Variants in KAT2B observed in about 807,000 individuals in gnomAD.
KAT2B encodes the protein lysine acetyltransferase 2B.
A neutral mutation model predicts 105.9 loss-of-function variants in KAT2B; 36 were observed. The ratio of observed to expected loss-of-function variants is 0.34; its 90% CI spans 0.26 to 0.45. The LOEUF (loss-of-function observed/expected upper bound fraction) is 0.45. Ranked by LOEUF, KAT2B falls within the 20% of genes least tolerant of loss-of-function variation. The probability of loss-of-function intolerance (pLI) is 1.00; values close to 1 mark genes in which losing one functional copy is unlikely to be tolerated. For missense variants in KAT2B, 820 were observed against 1,021.6 expected (o/e 0.80, Z 2.69); for synonymous variants, 397 against 377.9 (o/e 1.05, Z -0.59).
chr3:20,082,669 T>G (rs1698540561), intron 2 of KAT2B, among the ~76,000 whole-genome samples: 1 of 152,232 alleles, frequency 6.6e-6, no homozygotes, highest in African/African-American at 2.4e-5. Context: ...TGTTATTTTT[T>G]GTTTATGTAG....
At chr3:20,148,956 T>C (rs1174129277) in intron 17 of KAT2B, 1 of 156,340 alleles carries the variant, frequency 6.4e-6, no homozygotes, top group Non-Finnish European at 1.4e-5. Flanking sequence ...GAAATTCTAC[T>C]TACCACAATT....
At chr3:20,151,496 G>A (rs1040493796) in intron 17 of KAT2B, among the ~76,000 whole-genome samples, 4 of 151,682 alleles carry the variant, frequency 2.6e-5, no homozygotes, top group African/African-American at 9.7e-5. Context: ...TACAATTATA[G>A]CTTTTAACAA....
At chr3:20,098,583 A>G (rs1698853688) in intron 3 of KAT2B, among the ~76,000 whole-genome samples, 1 of 152,184 alleles carries the variant, frequency 6.6e-6, no homozygotes, top group Non-Finnish European at 1.5e-5. Context: ...ACTGAAGTTC[A>G]ACATCTCCAC....
At chr3:20,112,378 C>T (rs1699138041) in intron 6 of KAT2B, among the ~76,000 whole-genome samples, 1 of 152,152 alleles carries the variant, frequency 6.6e-6, no homozygotes, top group Non-Finnish European at 1.5e-5. Flanking sequence ...CTTCTTGCAC[C>T]TGTCAGAGCT....
intron 1 of KAT2B, among the ~76,000 whole-genome samples, chr3:20,059,660 GTA>G (rs1698066085): frequency 6.6e-6 from 1 of 151,610 alleles, no homozygotes; most frequent in Admixed American, 6.6e-5. Context: ...AGCCGAGATC[GTA>G]CCACTGCATT....
intron 2 of KAT2B, among the ~76,000 whole-genome samples, chr3:20,084,730 T>G (rs1315625224): frequency 2.0e-5 from 3 of 152,190 alleles, no homozygotes; most frequent in African/African-American, 7.2e-5. Context: ...AAAAGTTGGT[T>G]CTAAACAGTG....
At chr3:20,112,511 A>G (rs1488826444) in intron 6 of KAT2B, among the ~76,000 whole-genome samples, 1 of 152,240 alleles carries the variant, frequency 6.6e-6, no homozygotes, top group East Asian at 1.9e-4. Flanking sequence ...CCAAAAATTT[A>G]AGCTAAGCGG....
chr3:20,063,241 A>C (rs1698167380), intron 1 of KAT2B, among the ~76,000 whole-genome samples: 1 of 151,544 alleles, frequency 6.6e-6, no homozygotes, highest in African/African-American at 2.4e-5. Flanking sequence ...CTAATTTTTA[A>C]AATTTTTGTA....
intron 7 of KAT2B, among the ~76,000 whole-genome samples, chr3:20,116,610 C>T (rs542239913): frequency 1.3e-5 from 2 of 152,284 alleles, no homozygotes; most frequent in Non-Finnish European, 2.9e-5. Context: ...ATTCTCACCT[C>T]ATATTATCCT....
chr3:20,096,072 A>G (rs1200030476), intron 3 of KAT2B, among the ~76,000 whole-genome samples: 1 of 152,066 alleles, frequency 6.6e-6, no homozygotes, highest in Non-Finnish European at 1.5e-5. Context: ...ATGTCTGTAC[A>G]GCAAGGAGGG....
intron 6 of KAT2B, 50 bp from the exon 7 acceptor site, chr3:20,114,832 T>C (rs761593639): frequency 2.0e-6 from 2 of 1,008,706 alleles, no homozygotes; most frequent in Non-Finnish European, 3.1e-6. Context: ...AGGGCTGTTA[T>C]CCTTACAGTA....
At chr3:20,052,798 T>C (rs568018131) in intron 1 of KAT2B, among the ~76,000 whole-genome samples, 3 of 152,146 alleles carry the variant, frequency 2.0e-5, no homozygotes, top group African/African-American at 7.2e-5. Context: ...TGAAACCCCA[T>C]GTCTACTAAA....
At position 20,072,227 on chromosome 3, in the gene KAT2B, T is replaced by A. The variant is rs922378906; in HGVS notation, c.304-106T>A. ...ATATGGCAGACGACAAAGTCAGGGG[T>A]GAGGGGATAGCTGTCATATAATTAG... On this transcript the variant is annotated intron_variant, in intron 1 of 17. Coordinates refer to ENST00000263754, the MANE Select transcript of KAT2B (RefSeq NM_003884.5). 8 of 1,163,638 alleles carry A rather than the reference T, an allele frequency of 6.9e-6. No homozygotes were observed. The African/African-American group carries it at 7.6e-5, about 11-fold the overall frequency. 72.1% of individuals were successfully genotyped at this position (1,163,638 alleles called of 1,614,324 possible).
intron 7 of KAT2B, among the ~76,000 whole-genome samples, chr3:20,117,160 A>T (rs756246510): frequency 6.6e-5 from 10 of 152,208 alleles, no homozygotes; most frequent in Non-Finnish European, 1.5e-4. Flanking sequence ...CCACATTGTT[A>T]TCTGTCATAG....
chr3:20,091,967 T>A (rs1257533879), intron 2 of KAT2B, among the ~76,000 whole-genome samples: 1 of 152,154 alleles, frequency 6.6e-6, no homozygotes, highest in Non-Finnish European at 1.5e-5. Flanking sequence ...TAAAAGTTGT[T>A]AAGACTTGTT....
intron 5 of KAT2B, among the ~76,000 whole-genome samples, chr3:20,107,399 A>T (rs1270600500): frequency 1.3e-5 from 2 of 151,422 alleles, no homozygotes; most frequent in African/African-American, 4.8e-5. Context: ...GGCCCACGCC[A>T]GTAATCCTAG....
intron 2 of KAT2B, among the ~76,000 whole-genome samples, chr3:20,092,587 C>A (rs1559310335): frequency 6.6e-6 from 1 of 151,540 alleles, no homozygotes; most frequent in African/African-American, 2.4e-5. Context: ...ATATTTACAG[C>A]AAACATTAGG....
At position 20,132,666 on chromosome 3, in the gene KAT2B, A is replaced by G. The variant is rs535099385; in HGVS notation, c.1750-4276A>G. ...ACAAATACTAGCTAGATACAGAGGA[A>G]GTTCAAGTTAAAAGACACAGCCCTT... On this transcript the variant is annotated intron_variant, in intron 11 of 17. Transcript: ENST00000263754. Among the ~76,000 whole-genome samples the G allele has an allele frequency of 7.9e-5, 12 of 152,362 alleles. No individual in the cohort carries two copies. In the South Asian group the frequency reaches 2.5e-3, roughly 32 times the overall value.
chr3:20,148,819 A>G (rs1447988138), intron 17 of KAT2B: 6 of 216,508 alleles, frequency 2.8e-5, no homozygotes, highest in African/African-American at 4.6e-5. Context: ...TGCAAATAGA[A>G]AAACATCAGC....
Sources: gnomAD v4.1 joint callset for allele counts (sites outside exome capture counted in the v4.1 genomes callset) on GRCh38, gnomAD v4.1.1 for gene constraint, MANE v1.5 for transcripts, NCBI Gene and HGNC (gene_info 2026-07-23, HGNC 2026-07-21) for gene names.